CSMD1: variants seen among roughly 807,000 people sequenced by gnomAD.
The protein encoded by CSMD1 is CUB and sushi domain-containing protein 1.
Under a neutral mutation model 417.5 loss-of-function variants are expected in CSMD1, and 213 were observed. That is an observed-to-expected ratio of 0.51 (90% CI 0.46 to 0.57). The LOEUF is 0.57. Among genes scored for constraint, CSMD1 ranks in the 20% least tolerant of loss-of-function variants. CSMD1 has a pLI of 0.00. For synonymous variants in CSMD1, 2,862 were observed against 1,736.8 expected (o/e 1.65, Z -16.11); for missense variants, 6,923 against 4,529.7 (o/e 1.53, Z -15.17).
intron 2 of CSMD1, among the ~76,000 whole-genome samples, chr8:4,445,972 A>C (rs1029335373): frequency 6.6e-6 from 1 of 152,124 alleles, no homozygotes. Context: ...ACGAAAGGAT[A>C]GCAACAATGT....
At chr8:4,936,254 G>A (rs759767791) in intron 1 of CSMD1, among the ~76,000 whole-genome samples, 6 of 152,166 alleles carry the variant, frequency 3.9e-5, no homozygotes, top group Non-Finnish European at 7.3e-5. Context: ...TATATCATCA[G>A]ATAACAGATG....
chr8:3,578,099 CAT>C (rs1209509960), intron 9 of CSMD1, among the ~76,000 whole-genome samples: 2 of 152,224 alleles, frequency 1.3e-5, no homozygotes, highest in Admixed American at 6.5e-5. Flanking sequence ...GAAGAGCCAA[CAT>C]ACAGTCCTCC....
intron 5 of CSMD1, among the ~76,000 whole-genome samples, chr8:3,866,620 C>A (rs184377546): frequency 2.8e-4 from 42 of 152,246 alleles, no homozygotes; most frequent in African/African-American, 9.9e-4. Context: ...ATCCCTCAAA[C>A]CCAAAGTCAC....
At chr8:4,451,708 G>A (rs1031105463) in intron 2 of CSMD1, among the ~76,000 whole-genome samples, 2 of 152,030 alleles carry the variant, frequency 1.3e-5, no homozygotes, top group African/African-American at 4.8e-5. Flanking sequence ...TCCAGGCAAA[G>A]CTTTTTAAAA....
chr8:4,538,112 A>G (rs567100949), intron 2 of CSMD1, among the ~76,000 whole-genome samples: 7 of 152,218 alleles, frequency 4.6e-5, no homozygotes, highest in African/African-American at 1.7e-4. Flanking sequence ...AACCTCAAAT[A>G]AAATAGACCA....
At chr8:3,252,132 C>G (rs897257200) in intron 26 of CSMD1, among the ~76,000 whole-genome samples, 2 of 152,210 alleles carry the variant, frequency 1.3e-5, no homozygotes, top group South Asian at 2.1e-4. Context: ...GCATCCCTGT[C>G]TTGTGACAGT....
chr8:3,007,728 A>T (rs1260155964), intron 52 of CSMD1, among the ~76,000 whole-genome samples: 1 of 143,342 alleles, frequency 7.0e-6, no homozygotes, highest in Middle Eastern at 3.7e-3. Flanking sequence ...CAGTGAGATC[A>T]CATGGACACA....
intron 1 of CSMD1, among the ~76,000 whole-genome samples, chr8:4,841,825 C>T (rs545872398): frequency 3.5e-5 from 5 of 143,846 alleles, no homozygotes; most frequent in South Asian, 2.3e-4. Flanking sequence ...GCAGGAGAAT[C>T]GCTTGAACCT....
At position 3,053,528 on chromosome 8, in the gene CSMD1, C is replaced by G. The variant is rs578108237; in HGVS notation, c.7475-881G>C. On this transcript the variant is annotated intron_variant, in intron 49 of 69. Coordinates refer to ENST00000635120, the MANE Select transcript of CSMD1 (RefSeq NM_033225.6). ...CGACATAAGGAATTGATAGAGGAGG[C>G]ACTCGGGGAAGATTCCCAGGGCAGA... Among the ~76,000 whole-genome samples the G allele has an allele frequency of 1.6e-4, 25 of 152,192 alleles. 1 individual carries two copies. The highest frequency in any genetic ancestry group is 4.8e-4 in the African/African-American group (20 of 41,512).
At chr8:3,145,359 A>G (rs1273913333) in intron 40 of CSMD1, among the ~76,000 whole-genome samples, 5 of 152,162 alleles carry the variant, frequency 3.3e-5, no homozygotes, top group African/African-American at 9.7e-5. Context: ...CTTCAGATAT[A>G]TTTATCCAGA....
intron 15 of CSMD1, among the ~76,000 whole-genome samples, chr8:3,401,747 G>A (rs973250008): frequency 1.3e-5 from 2 of 152,092 alleles, no homozygotes; most frequent in Non-Finnish European, 2.9e-5. Context: ...CCCAGAAGTT[G>A]AGTACAGCAT....
intron 22 of CSMD1, among the ~76,000 whole-genome samples, chr8:3,344,874 A>T (rs1807888748): frequency 6.6e-6 from 1 of 152,204 alleles, no homozygotes; most frequent in Non-Finnish European, 1.5e-5. Context: ...GTGGGGTAGA[A>T]TCAGATACTC....
At chr8:3,877,860 C>T (rs956552631) in intron 5 of CSMD1, among the ~76,000 whole-genome samples, 2 of 151,980 alleles carry the variant, frequency 1.3e-5, no homozygotes, top group African/African-American at 4.8e-5. Context: ...TAATGACAAA[C>T]AAACATTACT....
chr8:2,982,933 G>T (rs994911353), intron 54 of CSMD1, among the ~76,000 whole-genome samples: 4 of 152,060 alleles, frequency 2.6e-5, no homozygotes, highest in African/African-American at 9.7e-5. Flanking sequence ...GCAGTAACAG[G>T]GCATCACATA....
intron 51 of CSMD1, among the ~76,000 whole-genome samples, chr8:3,025,767 T>G (rs1809825991): frequency 6.6e-6 from 1 of 152,196 alleles, no homozygotes; most frequent in Admixed American, 6.5e-5. Flanking sequence ...TCACATTAAT[T>G]TTTGCTTTGT....
chr8:3,570,035 G>T (rs1001735067), intron 10 of CSMD1, among the ~76,000 whole-genome samples: 2 of 152,146 alleles, frequency 1.3e-5, no homozygotes, highest in African/African-American at 4.8e-5. Flanking sequence ...AGATGAGAGA[G>T]AAAAAATAAA....
chr8:4,188,934 T>G (rs543782470), intron 3 of CSMD1, among the ~76,000 whole-genome samples: 1 of 152,292 alleles, frequency 6.6e-6, no homozygotes, highest in Admixed American at 6.5e-5. Flanking sequence ...TCTCCCTCCA[T>G]GGTTTACTCA....
chr8:3,310,019 T>C (rs1264116455), intron 23 of CSMD1, among the ~76,000 whole-genome samples: 1 of 152,188 alleles, frequency 6.6e-6, no homozygotes, highest in Non-Finnish European at 1.5e-5. Context: ...CACCAATAAT[T>C]TTAATTCAGA....
chr8:3,792,938 T>C (rs1799831126), intron 5 of CSMD1, among the ~76,000 whole-genome samples: 1 of 152,172 alleles, frequency 6.6e-6, no homozygotes, highest in African/African-American at 2.4e-5. Context: ...TTTGGTATTT[T>C]CAGATGCACA....
Sources: allele counts gnomAD v4.1 joint callset (sites outside exome capture counted in the v4.1 genomes callset), GRCh38; gene constraint gnomAD v4.1.1; transcripts MANE v1.5; gene names NCBI Gene and HGNC (gene_info 2026-07-23, HGNC 2026-07-21).